The following DOCK3 variants were observed in gnomAD, a reference collection of about 807,000 sequenced individuals.
The protein encoded by DOCK3 is dedicator of cytokinesis 3.
In DOCK3, 60 loss-of-function variants were observed where a neutral mutation model predicts 265.6. The observed-to-expected ratio is 0.23, with a 90% CI of 0.18 to 0.28. The LOEUF (loss-of-function observed/expected upper bound fraction) is 0.28, where lower values mean the gene tolerates loss of function less well. Ranked by LOEUF, DOCK3 falls within the 10% of genes least tolerant of loss-of-function variation. DOCK3 has a pLI of 1.00. For missense variants in DOCK3, 1,981 were observed against 2,594.3 expected (o/e 0.76, Z 5.14); for synonymous variants, 881 against 938.0 (o/e 0.94, Z 1.11).
intron 1 of DOCK3, among the ~76,000 whole-genome samples, chr3:50,693,873 G>A (rs2035432357): frequency 1.3e-5 from 2 of 152,116 alleles, no homozygotes; most frequent in East Asian, 3.9e-4. Context: ...TTCGTATACA[G>A]AAATACAACT....
At chr3:51,200,653 G>A (rs1459467469) in intron 12 of DOCK3, among the ~76,000 whole-genome samples, 1 of 151,500 alleles carries the variant, frequency 6.6e-6, no homozygotes, top group Non-Finnish European at 1.5e-5. Flanking sequence ...CAACATTCAG[G>A]TTCAGGAAAT....
chr3:50,738,438 CCTGGCAACGAGGTCCTCAGGGG>C (rs2038788361), intron 1 of DOCK3, among the ~76,000 whole-genome samples: 1 of 152,132 alleles, frequency 6.6e-6, no homozygotes, highest in African/African-American at 2.4e-5. Context: ...CCAGGGTTGG[CCTGGCAACGAGGTCCTCAGGGG>C]CTGGCATGCT....
At chr3:51,270,723 C>A in intron 23 of DOCK3, 92 bp from the exon 24 acceptor site, 1 of 1,350,674 alleles carries the variant, frequency 7.4e-7, no homozygotes, top group Non-Finnish European at 1.0e-6. Flanking sequence ...AGTGCCTTCT[C>A]AGCCTCTCAC....
chr3:50,928,102 A>G (rs1005117678), intron 4 of DOCK3, among the ~76,000 whole-genome samples: 10 of 144,824 alleles, frequency 6.9e-5, no homozygotes, highest in African/African-American at 2.3e-4. Context: ...TTCACTGGCA[A>G]TATTTTTGTG....
chr3:51,025,038 A>C (rs1452102717), intron 5 of DOCK3, among the ~76,000 whole-genome samples: 1 of 152,164 alleles, frequency 6.6e-6, no homozygotes, highest in African/African-American at 2.4e-5. Flanking sequence ...TCAAAAGAGC[A>C]CCAGCTGCCG....
rs576824501 is a variant in DOCK3, at chr3:51,157,542, G to A, written c.829-1702G>A. Among the ~76,000 whole-genome samples, 9 of 152,264 alleles carry A rather than the reference G, an allele frequency of 5.9e-5. No individual in the cohort carries two copies. In the South Asian group the frequency reaches 1.9e-3, roughly 32 times the overall value. ...ATTACAGACATATGCCGCCATGCCT[G>A]GCCCACATATTACTTCTTAGTGTCT... is the stretch of plus-strand genomic sequence containing the variant. On this transcript the variant is annotated intron_variant, in intron 10 of 52. Coordinates refer to ENST00000266037, the MANE Select transcript of DOCK3 (RefSeq NM_004947.5).
In DOCK3 at chr3:51,065,418, T is replaced by C. The variant is rs141211440; in HGVS notation, c.464+822T>C. ...CCATTTCTGGAAGCCGGAAAGTAGA[T>C]GAAAGATTAATGACAGAGTAAATCC... On this transcript the variant is annotated intron_variant, in intron 6 of 52. Coordinates refer to ENST00000266037, the MANE Select transcript of DOCK3 (RefSeq NM_004947.5). Among the ~76,000 whole-genome samples the C allele has an allele frequency of 2.6e-3, 398 of 152,236 alleles. 1 individual carries two copies. Among genetic ancestry groups the C allele is most frequent in the Admixed American group, 5.9e-3 (91 of 15,296 alleles).
chr3:51,309,570 C>T (rs1193213382), intron 27 of DOCK3, among the ~76,000 whole-genome samples: 1 of 152,010 alleles, frequency 6.6e-6, no homozygotes, highest in Admixed American at 6.5e-5. Context: ...AGAGGGAGAC[C>T]ATGGAAAGAG....
At chr3:51,101,827 G>A (rs1423877491) in intron 9 of DOCK3, among the ~76,000 whole-genome samples, 2 of 152,134 alleles carry the variant, frequency 1.3e-5, no homozygotes, top group African/African-American at 4.8e-5. Context: ...CTGCCTCAAA[G>A]CCAGGCTCAC....
intron 9 of DOCK3, among the ~76,000 whole-genome samples, chr3:51,093,482 C>T (rs1298043127): frequency 2.6e-5 from 4 of 152,062 alleles, no homozygotes; most frequent in African/African-American, 9.7e-5. Flanking sequence ...GCTCTCTGCT[C>T]ATCTATTATT....
chr3:50,735,965 T>G (rs994685417), intron 1 of DOCK3, among the ~76,000 whole-genome samples: 3 of 152,278 alleles, frequency 2.0e-5, no homozygotes, highest in Non-Finnish European at 4.4e-5. Flanking sequence ...GTTTGTTACA[T>G]ATGTATACAT....
Position 51,381,008 on chromosome 3 carries a change from C to T in DOCK3, c.5584-42C>T, listed in dbSNP as rs782255532. The T allele has an allele frequency of 1.9e-6, 3 of 1,542,730 alleles. No individual in the cohort carries two copies. Among genetic ancestry groups the T allele is most frequent in the Non-Finnish European group, 2.6e-6 (3 of 1,144,588 alleles). On this transcript the variant is annotated intron_variant, in intron 52 of 52. Coordinates refer to ENST00000266037, the MANE Select transcript of DOCK3 (RefSeq NM_004947.5). This position sits in a 1 kb window ranked among gnomAD's most constrained non-coding sequence, Gnocchi z 5.6. ...TCCTATGGCGGGCAAGTCAGCCTGT[C>T]TGGAGAGAGGGATTCTAACATGCCC...
chr3:50,839,381 C>A (rs576209622), intron 2 of DOCK3, among the ~76,000 whole-genome samples: 1 of 152,210 alleles, frequency 6.6e-6, no homozygotes, highest in South Asian at 2.1e-4. Context: ...CGTATGGTAA[C>A]AATATGTTTA....
chr3:50,735,851 G>A (rs972015164), intron 1 of DOCK3, among the ~76,000 whole-genome samples: 1 of 152,092 alleles, frequency 6.6e-6, no homozygotes, highest in Non-Finnish European at 1.5e-5. Flanking sequence ...TTTCTGGGGG[G>A]GCCTCAGGGA....
chr3:51,334,550 C>T (rs368165637), intron 35 of DOCK3, among the ~76,000 whole-genome samples: 36 of 152,306 alleles, frequency 2.4e-4, no homozygotes, highest in East Asian at 3.9e-4. Flanking sequence ...AAGCATCCCC[C>T]CATTCTGTAG....
At chr3:50,783,128 C>T (rs2042010526) in intron 2 of DOCK3, among the ~76,000 whole-genome samples, 1 of 152,060 alleles carries the variant, frequency 6.6e-6, no homozygotes, top group African/African-American at 2.4e-5. Flanking sequence ...AATTGTGCTG[C>T]TATAAACATG....
intron 5 of DOCK3, among the ~76,000 whole-genome samples, chr3:50,971,930 G>T (rs1403075550): frequency 6.6e-6 from 1 of 152,206 alleles, no homozygotes; most frequent in Non-Finnish European, 1.5e-5. Context: ...AGGAGGTGGG[G>T]TTGCTGCCCC....
At chr3:51,240,957 T>C in intron 21 of DOCK3, among the ~76,000 whole-genome samples, 1 of 152,224 alleles carries the variant, frequency 6.6e-6, no homozygotes, top group South Asian at 2.1e-4. Flanking sequence ...TATGTGTGGA[T>C]TTGATCCTGT....
At chr3:51,298,017 A>G (rs558295544) in intron 27 of DOCK3, among the ~76,000 whole-genome samples, 1 of 152,206 alleles carries the variant, frequency 6.6e-6, no homozygotes, top group Non-Finnish European at 1.5e-5. Flanking sequence ...ATAATGAAGA[A>G]GACAAATATT....
Sources: gnomAD v4.1 joint callset for allele counts (sites outside exome capture counted in the v4.1 genomes callset) on GRCh38, gnomAD v4.1.1 for gene constraint, Gnocchi (gnomAD v3.1) non-coding constraint, MANE v1.5 for transcripts, NCBI Gene and HGNC (gene_info 2026-07-23, HGNC 2026-07-21) for gene names.